The following IQCJ variants were observed in gnomAD, a reference collection of about 807,000 sequenced individuals.
IQCJ encodes IQ motif containing J.
Under a neutral mutation model 11.0 loss-of-function variants are expected in IQCJ, and 9 were observed. The observed-to-expected ratio is 0.82, with a 90% CI of 0.49 to 1.43. The LOEUF is 1.43. Among genes scored for constraint, IQCJ ranks in the 40% most tolerant of loss-of-function variants. IQCJ has a pLI of 0.00. For missense variants in IQCJ, 146 were observed against 133.2 expected (o/e 1.10, Z -0.47); for synonymous variants, 55 against 51.3 (o/e 1.07, Z -0.31).
intron 1 of IQCJ, among the ~76,000 whole-genome samples, chr3:159,077,696 C>T (rs1716017937): frequency 6.6e-6 from 1 of 152,104 alleles, no homozygotes. Flanking sequence ...GTATGAGAAA[C>T]TGGTGTTTAC....
At chr3:159,223,435 T>C (rs1238594991) in intron 1 of IQCJ, among the ~76,000 whole-genome samples, 1 of 152,176 alleles carries the variant, frequency 6.6e-6, no homozygotes, top group Non-Finnish European at 1.5e-5. Context: ...TTAGTGACGT[T>C]ACATGTGTAA....
At chr3:159,168,030 G>A (rs1242320593) in intron 1 of IQCJ, among the ~76,000 whole-genome samples, 5 of 152,166 alleles carry the variant, frequency 3.3e-5, no homozygotes, top group Admixed American at 1.3e-4. Flanking sequence ...AGGTGAGCTG[G>A]CCTTTTTCCC....
At chr3:159,186,553 C>G (rs532946876) in intron 1 of IQCJ, among the ~76,000 whole-genome samples, 1 of 152,318 alleles carries the variant, frequency 6.6e-6, no homozygotes, top group East Asian at 1.9e-4. Flanking sequence ...AAGCCCCAGT[C>G]AAGCGCAGGT....
intron 1 of IQCJ, among the ~76,000 whole-genome samples, chr3:159,216,693 AT>A (rs137937027): frequency 2.6e-5 from 4 of 151,840 alleles, no homozygotes; most frequent in Non-Finnish European, 5.9e-5. Flanking sequence ...ACATACATGC[AT>A]TTTTTTTCCC....
chr3:159,245,400 A>G (rs1307124468), intron 1 of IQCJ, among the ~76,000 whole-genome samples: 1 of 151,934 alleles, frequency 6.6e-6, no homozygotes, highest in African/African-American at 2.4e-5. Flanking sequence ...TAACTTGATC[A>G]AGGATCATGT....
chr3:159,104,006 C>A (rs1718091323), intron 1 of IQCJ, among the ~76,000 whole-genome samples: 1 of 152,238 alleles, frequency 6.6e-6, no homozygotes, highest in Non-Finnish European at 1.5e-5. Flanking sequence ...TTCATCCAGT[C>A]TCTGTGCTTC....
intron 1 of IQCJ, among the ~76,000 whole-genome samples, chr3:159,074,361 A>C (rs1302236626): frequency 3.3e-5 from 5 of 152,144 alleles, no homozygotes. Context: ...AGTCTTATTA[A>C]AAGAAGACGT....
intron 1 of IQCJ, among the ~76,000 whole-genome samples, chr3:159,191,971 A>C (rs1375154627): frequency 1.3e-5 from 2 of 152,176 alleles, no homozygotes; most frequent in Non-Finnish European, 2.9e-5. Context: ...AAGCCATTGA[A>C]ACCCTTCCAT....
intron 1 of IQCJ, among the ~76,000 whole-genome samples, chr3:159,244,870 G>A (rs1727153761): frequency 6.6e-6 from 1 of 152,140 alleles, no homozygotes; most frequent in South Asian, 2.1e-4. Flanking sequence ...CCTTGGGACT[G>A]GTCACTTTGA....
At chr3:159,252,683 A>G in intron 2 of IQCJ, 44 bp from the exon 3 acceptor site, 3 of 1,559,978 alleles carry the variant, frequency 1.9e-6, no homozygotes, top group South Asian at 1.2e-5. Context: ...ATAGATGTTA[A>G]CCTTCTGGAT....
At chr3:159,120,863 C>G (rs1024619039) in intron 1 of IQCJ, among the ~76,000 whole-genome samples, 4 of 152,224 alleles carry the variant, frequency 2.6e-5, no homozygotes, top group African/African-American at 9.6e-5. Context: ...CTCCTTCTAG[C>G]TCCCTTTTCA....
intron 2 of IQCJ, among the ~76,000 whole-genome samples, chr3:159,246,885 A>C (rs1434634853): frequency 2.0e-5 from 3 of 152,190 alleles, no homozygotes; most frequent in African/African-American, 7.2e-5. Context: ...ATGGAGAAAC[A>C]GCATTGTGAC....
intron 1 of IQCJ, among the ~76,000 whole-genome samples, chr3:159,234,819 T>G (rs1283039025): frequency 6.6e-6 from 1 of 152,094 alleles, no homozygotes; most frequent in Non-Finnish European, 1.5e-5. Flanking sequence ...CCAGCATGCA[T>G]TTGGATTGCT....
intron 1 of IQCJ, among the ~76,000 whole-genome samples, chr3:159,234,527 G>A (rs1229939891): frequency 6.6e-6 from 1 of 152,148 alleles, no homozygotes; most frequent in South Asian, 2.1e-4. Context: ...AGATGGGCCC[G>A]GCACGGTGAT....
rs528149376 is a variant in IQCJ at position 159,136,601 on chromosome 3, A to G, written c.9+67160A>G. Among the ~76,000 whole-genome samples, 14 of 152,328 alleles carry G rather than the reference A, an allele frequency of 9.2e-5. No individual in the cohort carries two copies. The South Asian group carries it at 2.9e-3, about 32-fold the overall frequency. The stretch of plus-strand genomic sequence containing the variant: ...AAGTCCAAGATTAAGGTGCCCGCAT[A>G]TTCAGTGTCTGATGATGGCCCACTT... On this transcript the variant is annotated intron_variant, in intron 1 of 3. Coordinates refer to ENST00000397832, the MANE Select transcript of IQCJ (RefSeq NM_001042706.3).
chr3:159,244,226 T>C (rs540803134), intron 1 of IQCJ, among the ~76,000 whole-genome samples: 2 of 152,170 alleles, frequency 1.3e-5, no homozygotes, highest in African/African-American at 4.8e-5. Context: ...AAATGTAAAA[T>C]AGAAGCTGTG....
At chr3:159,253,768 TAAAGAAGG>T (rs1408328969) in intron 3 of IQCJ, among the ~76,000 whole-genome samples, 13 of 152,304 alleles carry the variant, frequency 8.5e-5, no homozygotes, top group African/African-American at 3.1e-4. Flanking sequence ...GAAATCGCCC[TAAAGAAGG>T]GCACCTTGAG....
chr3:159,196,693 C>T (rs1023668525), intron 1 of IQCJ, among the ~76,000 whole-genome samples: 7 of 152,256 alleles, frequency 4.6e-5, no homozygotes, highest in African/African-American at 1.7e-4. Flanking sequence ...TCTTAGTTCC[C>T]AGTCTTATTA....
chr3:159,114,262 A>G (rs1335970576), intron 1 of IQCJ, among the ~76,000 whole-genome samples: 2 of 151,122 alleles, frequency 1.3e-5, no homozygotes, highest in Non-Finnish European at 2.9e-5. Flanking sequence ...TGTATCTCAC[A>G]CTTATCAGTG....
Sources: gnomAD v4.1 joint callset for allele counts (sites outside exome capture counted in the v4.1 genomes callset) on GRCh38, gnomAD v4.1.1 for gene constraint, MANE v1.5 for transcripts, NCBI Gene and HGNC (gene_info 2026-07-23, HGNC 2026-07-21) for gene names.